Variants in GPR158 observed in about 807,000 individuals in gnomAD.
The protein encoded by GPR158 is metabotropic glycine receptor.
A neutral mutation model predicts 78.2 loss-of-function variants in GPR158; 30 were observed. That is an observed-to-expected ratio of 0.38 (90% CI 0.29 to 0.52). GPR158 has a LOEUF of 0.52. Ranked by LOEUF, GPR158 falls within the 20% of genes least tolerant of loss-of-function variation. GPR158 has a pLI of 0.83. For missense variants in GPR158, 1,463 were observed against 1,523.5 expected (o/e 0.96, Z 0.66); for synonymous variants, 581 against 591.1 (o/e 0.98, Z 0.25).
intron 2 of GPR158, among the ~76,000 whole-genome samples, chr10:25,303,167 A>G (rs1341368903): frequency 2.6e-5 from 4 of 152,228 alleles, no homozygotes; most frequent in Non-Finnish European, 4.4e-5. Flanking sequence ...TCTGCTAGTT[A>G]ATAAGTAACT....
chr10:25,574,606 T>C (rs1174898170), intron 7 of GPR158, among the ~76,000 whole-genome samples: 1 of 152,030 alleles, frequency 6.6e-6, no homozygotes, highest in Non-Finnish European at 1.5e-5. Context: ...ACAGTGAAGG[T>C]CTGGGCGTGG....
At chr10:25,464,551 A>C (rs1345100051) in intron 4 of GPR158, among the ~76,000 whole-genome samples, 2 of 152,208 alleles carry the variant, frequency 1.3e-5, no homozygotes, top group Non-Finnish European at 2.9e-5. Flanking sequence ...TAAATCTGTC[A>C]GATTTAATAA....
At chr10:25,520,436 G>C (rs553175683) in intron 5 of GPR158, among the ~76,000 whole-genome samples, 4 of 150,400 alleles carry the variant, frequency 2.7e-5, no homozygotes, top group African/African-American at 5.0e-5. Context: ...TTCCTTTGGA[G>C]GAGGAGAGGC....
At chr10:25,187,989 A>G (rs1157857797) in intron 1 of GPR158, among the ~76,000 whole-genome samples, 1 of 152,186 alleles carries the variant, frequency 6.6e-6, no homozygotes, top group Non-Finnish European at 1.5e-5. Context: ...TACACCAATA[A>G]CAGACAAACA....
intron 2 of GPR158, among the ~76,000 whole-genome samples, chr10:25,379,090 C>A (rs1834122153): frequency 1.3e-5 from 2 of 152,178 alleles, no homozygotes; most frequent in Non-Finnish European, 2.9e-5. Context: ...TGTGCCCAAC[C>A]CCACCTGCCT....
intron 2 of GPR158, among the ~76,000 whole-genome samples, chr10:25,260,918 G>C (rs868264690): frequency 6.6e-6 from 1 of 152,254 alleles, no homozygotes; most frequent in South Asian, 2.1e-4. Context: ...TGTTTTAAAA[G>C]TTTTCAATTG....
intron 1 of GPR158, among the ~76,000 whole-genome samples, chr10:25,219,483 A>G (rs552135453): frequency 4.5e-4 from 69 of 152,318 alleles, no homozygotes; most frequent in African/African-American, 1.6e-3. Context: ...TGGGGTCTAT[A>G]TATCTGAATG....
At chr10:25,256,641 C>T (rs1341309026) in intron 2 of GPR158, among the ~76,000 whole-genome samples, 1 of 152,044 alleles carries the variant, frequency 6.6e-6, no homozygotes, top group Non-Finnish European at 1.5e-5. Flanking sequence ...GCCATGATGG[C>T]TCCACTGCAC....
At chr10:25,276,195 T>C (rs553349507) in intron 2 of GPR158, among the ~76,000 whole-genome samples, 1 of 152,306 alleles carries the variant, frequency 6.6e-6, no homozygotes, top group African/African-American at 2.4e-5. Context: ...AATTAGCATT[T>C]ACTGTAATAA....
At chr10:25,569,489 T>C (rs1237330208) in intron 6 of GPR158, among the ~76,000 whole-genome samples, 1 of 152,142 alleles carries the variant, frequency 6.6e-6, no homozygotes, top group African/African-American at 2.4e-5. Flanking sequence ...GAATATATAG[T>C]TCATAACTAT....
At chr10:25,248,726 T>G (rs1213756664) in intron 2 of GPR158, among the ~76,000 whole-genome samples, 1 of 148,212 alleles carries the variant, frequency 6.7e-6, no homozygotes, top group African/African-American at 2.6e-5. Context: ...AGCCTTGTAG[T>G]AAAGTTTGAA....
intron 1 of GPR158, among the ~76,000 whole-genome samples, chr10:25,205,025 T>A (rs1034194152): frequency 3.9e-5 from 6 of 152,092 alleles, no homozygotes; most frequent in Admixed American, 2.6e-4. Context: ...TCATGAGACC[T>A]GATGATTTTA....
chr10:25,494,302 T>C (rs868661163), intron 5 of GPR158, among the ~76,000 whole-genome samples: 8 of 152,214 alleles, frequency 5.3e-5, no homozygotes, highest in African/African-American at 1.9e-4. Context: ...AGTTAAACAC[T>C]TGTTCACTAG....
chr10:25,513,571 G>T (rs1246387016), intron 5 of GPR158, among the ~76,000 whole-genome samples: 3 of 151,516 alleles, frequency 2.0e-5, no homozygotes, highest in Non-Finnish European at 4.4e-5. Flanking sequence ...TTTGGGTTTG[G>T]ATTGTTCCTT....
intron 5 of GPR158, among the ~76,000 whole-genome samples, chr10:25,517,316 A>G (rs997376845): frequency 2.8e-4 from 43 of 151,928 alleles, no homozygotes; most frequent in Admixed American, 2.3e-3. Flanking sequence ...GTCGTCTGCA[A>G]ACAGGGACAA....
chr10:25,594,270 A>T, intron 8 of GPR158, 22 bp from the exon 9 acceptor site: 2 of 1,135,570 alleles, frequency 1.8e-6, no homozygotes, highest in Non-Finnish European at 2.7e-6. Context: ...TGGATTGTTA[A>T]CTCAATGAAT....
At position 25,522,893 on chromosome 10, in the gene GPR158, T is replaced by C. The variant is rs2130684787; in HGVS notation, c.1405-28083T>C. Among the ~76,000 whole-genome samples, 2 of 152,272 alleles carry C rather than the reference T, an allele frequency of 1.3e-5. 1 individual carries two copies. Among genetic ancestry groups the C allele is most frequent in the South Asian group, 4.1e-4 (2 of 4,820 alleles). On this transcript the variant is annotated intron_variant, in intron 5 of 10. Coordinates refer to ENST00000376351, the MANE Select transcript of GPR158 (RefSeq NM_020752.3). ...AAATTTATACACGTATTAATTTGTGTGGTGTGCAGATGTCAAGGTTATATT... is the reference window on the plus strand; with the variant it reads ...AAATTTATACACGTATTAATTTGTGCGGTGTGCAGATGTCAAGGTTATATT...
intron 4 of GPR158, among the ~76,000 whole-genome samples, chr10:25,413,280 A>G (rs1485405053): frequency 6.6e-6 from 1 of 152,232 alleles, no homozygotes; most frequent in Non-Finnish European, 1.5e-5. Flanking sequence ...ACAGTGAGCT[A>G]TGATCACACC....
chr10:25,375,852 A>T (rs35364045), intron 2 of GPR158, among the ~76,000 whole-genome samples: 9,265 of 151,598 alleles, frequency 0.061, 646 homozygotes, highest in African/African-American at 0.17. Context: ...TCCTTGTCGC[A>T]ATTGTTTTAG....
Sources: gnomAD v4.1 joint callset for allele counts (sites outside exome capture counted in the v4.1 genomes callset) on GRCh38, gnomAD v4.1.1 for gene constraint, MANE v1.5 for transcripts, NCBI Gene and HGNC (gene_info 2026-07-23, HGNC 2026-07-21) for gene names.